TEX11: variants seen among roughly 807,000 people sequenced by gnomAD.
TEX11 encodes the protein testis-expressed protein 11.
TEX11 carries 7 observed loss-of-function variants against 84.4 expected under a neutral mutation model. The ratio of observed to expected loss-of-function variants is 0.08; its 90% confidence interval spans 0.05 to 0.16. TEX11 has a LOEUF of 0.16. Ranked by LOEUF, TEX11 falls within the 10% of genes least tolerant of loss-of-function variation. The probability of loss-of-function intolerance (pLI) is 1.00; values close to 1 mark genes in which losing one functional copy is unlikely to be tolerated. For missense variants in TEX11, 551 were observed against 660.5 expected (o/e 0.83, Z 1.82); for synonymous variants, 264 against 222.8 (o/e 1.18, Z -1.64).
At chrX:70,806,132 G>A (rs2091217788) in intron 9 of TEX11, among the ~76,000 whole-genome samples, 1 of 112,207 alleles carries the variant, frequency 8.9e-6, no homozygotes, top group African/African-American at 3.2e-5. Flanking sequence ...AAGGAGGAAT[G>A]AAGAGAGAGG....
intron 2 of TEX11, among the ~76,000 whole-genome samples, chrX:70,894,315 C>T (rs1021343711): frequency 1.8e-5 from 2 of 110,521 alleles, no homozygotes; most frequent in Non-Finnish European, 3.8e-5. Flanking sequence ...AACACTGATG[C>T]AAAAATCCTT....
At chrX:70,903,624 A>G (rs1213961859) in intron 2 of TEX11, among the ~76,000 whole-genome samples, 3 of 110,694 alleles carry the variant, frequency 2.7e-5, no homozygotes, top group Admixed American at 9.7e-5. Context: ...GAGCATGTTT[A>G]AAGGATAGCA....
intron 9 of TEX11, among the ~76,000 whole-genome samples, chrX:70,800,427 AT>A (rs199607011): frequency 0.022 from 2,434 of 111,488 alleles, 65 homozygotes; most frequent in African/African-American, 0.075. Context: ...AAAATAAAGG[AT>A]TTTTTTACAT....
chrX:70,743,092 C>T (rs2090744368), intron 10 of TEX11, among the ~76,000 whole-genome samples: 1 of 112,065 alleles, frequency 8.9e-6, no homozygotes, highest in African/African-American at 3.2e-5. Flanking sequence ...CTTTCTGTCT[C>T]TATGAATTTG....
At chrX:70,850,978 T>C (rs1444090950) in intron 7 of TEX11, among the ~76,000 whole-genome samples, 1 of 112,104 alleles carries the variant, frequency 8.9e-6, no homozygotes, top group East Asian at 2.8e-4. Flanking sequence ...ACATCCCATG[T>C]TCATGGATCA....
At chrX:70,520,443 C>T in the TEX11 span, among the ~76,000 whole-genome samples, 4 of 112,312 alleles carry the variant, frequency 3.6e-5, no homozygotes, top group African/African-American at 1.3e-4. Flanking sequence ...GGGTAACAGC[C>T]GTGGAGGCTG....
intron 25 of TEX11, among the ~76,000 whole-genome samples, chrX:70,583,930 A>G (rs764029360): frequency 8.9e-6 from 1 of 112,168 alleles, no homozygotes; most frequent in Non-Finnish European, 1.9e-5. Context: ...ATTGAATCAC[A>G]AATAGAGATT....
intron 20 of TEX11, among the ~76,000 whole-genome samples, chrX:70,617,694 G>A (rs779275050): frequency 9.0e-6 from 1 of 110,933 alleles, no homozygotes; most frequent in African/African-American, 3.3e-5. Context: ...GGATGGTGGA[G>A]GAAAATAATC....
intron 17 of TEX11, among the ~76,000 whole-genome samples, chrX:70,640,035 A>C (rs1183317885): frequency 1.9e-5 from 2 of 108,058 alleles, no homozygotes; most frequent in Non-Finnish European, 3.9e-5. Flanking sequence ...AATTTAGAAG[A>C]ATGTATAACT....
intron 18 of TEX11, among the ~76,000 whole-genome samples, chrX:70,628,810 C>T (rs770697283): frequency 1.5e-4 from 17 of 111,693 alleles, no homozygotes; most frequent in Admixed American, 7.6e-4. Flanking sequence ...GAGAGGAAAC[C>T]CAAAAGCAAT....
At chrX:70,825,334 T>C (rs1254983050) in intron 8 of TEX11, among the ~76,000 whole-genome samples, 2 of 107,391 alleles carry the variant, frequency 1.9e-5, no homozygotes, top group African/African-American at 6.7e-5. Context: ...TATATACACA[T>C]ATATTTATAT....
chrX:70,732,886 A>T (rs1378951804), intron 11 of TEX11, among the ~76,000 whole-genome samples: 1 of 112,072 alleles, frequency 8.9e-6, no homozygotes, highest in Non-Finnish European at 1.9e-5. Flanking sequence ...GCATCACGCT[A>T]CCTGACTTCA....
intron 16 of TEX11, among the ~76,000 whole-genome samples, chrX:70,654,150 T>G (rs2089838072): frequency 1.8e-5 from 2 of 111,873 alleles, no homozygotes; most frequent in East Asian, 5.6e-4. Flanking sequence ...ACACAAAGAC[T>G]AAATCCTAAT....
chrX:70,812,371 C>T (rs1322259399), intron 8 of TEX11, among the ~76,000 whole-genome samples: 1 of 110,263 alleles, frequency 9.1e-6, no homozygotes, highest in Non-Finnish European at 1.9e-5. Context: ...ACCAGGCCGG[C>T]TAATTTTTTG....
intron 25 of TEX11, among the ~76,000 whole-genome samples, chrX:70,557,184 A>C (rs1339651992): frequency 9.1e-6 from 1 of 110,080 alleles, no homozygotes; most frequent in Non-Finnish European, 1.9e-5. Flanking sequence ...AATAAAGAAC[A>C]AGGACCAGGC....
chrX:70,543,136 C>T (rs1009558460), intron 28 of TEX11, among the ~76,000 whole-genome samples: 11 of 110,458 alleles, frequency 1.0e-4, no homozygotes, highest in Non-Finnish European at 3.8e-5. Flanking sequence ...GAGCCGAGAT[C>T]GCGCCACTGC....
intron 26 of TEX11, among the ~76,000 whole-genome samples, chrX:70,554,355 G>GA (rs1295330112): frequency 3.6e-5 from 4 of 111,671 alleles, no homozygotes; most frequent in Non-Finnish European, 1.9e-5. Flanking sequence ...ATTCCACACA[G>GA]AAAAAATTTG....
intron 2 of TEX11, among the ~76,000 whole-genome samples, chrX:70,881,338 AAAAACT>A (rs1240736493): frequency 9.1e-6 from 1 of 109,883 alleles, no homozygotes; most frequent in African/African-American, 3.3e-5. Flanking sequence ...AAAAAAAAAA[AAAAACT>A]AAAACTAAAC....
intron 7 of TEX11, among the ~76,000 whole-genome samples, chrX:70,834,095 G>A (rs1484230609): frequency 2.7e-5 from 3 of 110,343 alleles, no homozygotes; most frequent in African/African-American, 6.6e-5. Context: ...AGGCTGAGGC[G>A]GGAAAATTGC....
Sources: gnomAD v4.1 joint callset for allele counts (sites outside exome capture counted in the v4.1 genomes callset) on GRCh38, gnomAD v4.1.1 for gene constraint, MANE v1.5 for transcripts, NCBI Gene and HGNC (gene_info 2026-07-23, HGNC 2026-07-21) for gene names.